Variants in LPIN1 observed in about 807,000 individuals in gnomAD.
LPIN1 encodes phosphatidate phosphatase LPIN1.
A neutral mutation model predicts 107.5 loss-of-function variants in LPIN1; 71 were observed. That is an observed-to-expected ratio of 0.66 (90% CI 0.55 to 0.80). LPIN1 has a LOEUF of 0.80. LPIN1 is among the 30% of genes least tolerant of loss of function. The pLI is 0.00. For synonymous variants in LPIN1, 445 were observed against 452.6 expected, an observed-to-expected ratio of 0.98 and a Z score of 0.21; for missense variants, 1,043 against 1,160.6, an observed-to-expected ratio of 0.90 and a Z score of 1.47.
intron 1 of LPIN1, 99 bp downstream of exon 1, chr2:11,746,770 G>A (rs1667003894): frequency 1.8e-6 from 1 of 567,250 alleles, no homozygotes; most frequent in African/African-American, 2.0e-5. Context: ...AGGACGCGTG[G>A]CGAGGCGGGG....
At chr2:11,683,574 C>G (rs1046465156) in intron 1 of LPIN1, among the ~76,000 whole-genome samples, 1 of 152,162 alleles carries the variant, frequency 6.6e-6, no homozygotes, top group African/African-American at 2.4e-5. Context: ...TCTGAGATGG[C>G]TTTTACTCTG....
intron 12 of LPIN1, 145 bp from the exon 13 acceptor site, chr2:11,791,768 AT>A: frequency 6.7e-7 from 1 of 1,492,060 alleles, no homozygotes; most frequent in African/African-American, 1.4e-5. Flanking sequence ...CTTCTCTAAA[AT>A]TTTTAACGCA....
chr2:11,746,048 G>C (rs926782652), upstream of LPIN1: 1 of 152,400 alleles, frequency 6.6e-6, no homozygotes, highest in African/African-American at 2.4e-5. Context: ...CAGAGCCACC[G>C]TTCCGCACCT....
chr2:11,755,752 C>T (rs1208515413), intron 1 of LPIN1, among the ~76,000 whole-genome samples: 8 of 149,984 alleles, frequency 5.3e-5, no homozygotes, highest in East Asian at 3.9e-4. Context: ...GACAGAGTCT[C>T]GCTCTGTCGC....
exon 1 of LPIN1, chr2:11,677,702 A>G: frequency 6.5e-7 from 1 of 1,535,726 alleles, no homozygotes; most frequent in South Asian, 1.2e-5. Context: ...GCAGGGCAAG[A>G]GCTCCCCAGA....
At chr2:11,760,004 G>T (rs1468014665) in intron 1 of LPIN1, among the ~76,000 whole-genome samples, 1 of 76,700 alleles carries the variant, frequency 1.3e-5, no homozygotes, top group East Asian at 4.0e-4. Context: ...CTTCTCAGAC[G>T]GGGCGGCCGG....
intron 2 of LPIN1, among the ~76,000 whole-genome samples, chr2:11,767,129 G>T (rs895325464): frequency 6.6e-6 from 1 of 152,230 alleles, no homozygotes; most frequent in Non-Finnish European, 1.5e-5. Context: ...CAAATGGAAA[G>T]AAACAAATCC....
At chr2:11,727,299 C>T (rs7591344) in intron 1 of LPIN1, among the ~76,000 whole-genome samples, 80,009 of 152,076 alleles carry the variant, frequency 0.53, 21,897 homozygotes, top group African/African-American at 0.66. Flanking sequence ...TCAGTTATTA[C>T]TTACATCAGT....
At chr2:11,757,485 G>A (rs1668854980) in intron 1 of LPIN1, among the ~76,000 whole-genome samples, 1 of 152,164 alleles carries the variant, frequency 6.6e-6, no homozygotes, top group Admixed American at 6.5e-5. Context: ...GTAAAATTTG[G>A]GAATTTATGC....
At chr2:11,742,286 G>T (rs961284119), upstream of LPIN1, 4 of 152,176 alleles carry the variant, frequency 2.6e-5, no homozygotes, top group African/African-American at 9.7e-5. Flanking sequence ...TCTATGTTTA[G>T]ATAAGTTTAG....
chr2:11,804,330 C>T, intron 15 of LPIN1, 93 bp from the exon 16 acceptor site: 1 of 1,412,438 alleles, frequency 7.1e-7, no homozygotes, highest in East Asian at 2.3e-5. Flanking sequence ...GTTTTTAAAG[C>T]CGAATCCTGC....
At chr2:11,701,973 C>T (rs1662896491) in intron 1 of LPIN1, among the ~76,000 whole-genome samples, 1 of 152,204 alleles carries the variant, frequency 6.6e-6, no homozygotes, top group Admixed American at 6.5e-5. Context: ...GTGCTCATCT[C>T]TGCTGAGTTC....
intron 1 of LPIN1, among the ~76,000 whole-genome samples, chr2:11,730,277 G>A (rs1665061281): frequency 6.6e-6 from 1 of 152,150 alleles, no homozygotes; most frequent in Non-Finnish European, 1.5e-5. Context: ...GGAGCCCGCT[G>A]AGGCCGTTGC....
chr2:11,794,682 T>A (rs1676359462), intron 13 of LPIN1, among the ~76,000 whole-genome samples: 1 of 152,218 alleles, frequency 6.6e-6, no homozygotes, highest in African/African-American at 2.4e-5. Context: ...TCCCTTGGCA[T>A]TTCTCTCTGG....
intron 2 of LPIN1, among the ~76,000 whole-genome samples, chr2:11,715,399 G>A (rs1410481142): frequency 6.6e-6 from 1 of 152,190 alleles, no homozygotes; most frequent in South Asian, 2.1e-4. Flanking sequence ...CAAGCAGGAG[G>A]CTCCTGCTTC....
intron 14 of LPIN1, among the ~76,000 whole-genome samples, chr2:11,798,078 C>T (rs1283100834): frequency 6.6e-6 from 1 of 152,194 alleles, no homozygotes; most frequent in Non-Finnish European, 1.5e-5. Context: ...CTCCGGCTTG[C>T]ACTCACTCCG....
intron 14 of LPIN1, 109 bp from the exon 15 acceptor site, chr2:11,802,798 G>C (rs1677986928): frequency 1.5e-6 from 2 of 1,292,112 alleles, no homozygotes; most frequent in Non-Finnish European, 2.2e-6. Context: ...CCGAGAGACG[G>C]GACTCAGGAG....
Position 11,708,905 on chromosome 2 carries a change from C to A in LPIN1, c.82-4851C>A, listed in dbSNP as rs548032610. On this transcript the variant is annotated intron_variant, in intron 1 of 21. Transcript: ENST00000449576. Reference sequence around the variant, plus strand: ...CATTAAGTATCTTCTTTAATCCTCACAAGGGCCCTATGACAAAGCTACTAC... The same window carrying A: ...CATTAAGTATCTTCTTTAATCCTCAAAAGGGCCCTATGACAAAGCTACTAC... 4.6e-5 allele frequency among the ~76,000 whole-genome samples: 7 copies of A among 152,228 alleles called. No individual in the cohort carries two copies. The South Asian group carries it at 1.5e-3, about 32-fold the overall frequency.
intron 1 of LPIN1, among the ~76,000 whole-genome samples, chr2:11,684,956 TC>T (rs1455676746): frequency 6.3e-3 from 204 of 32,560 alleles, no homozygotes; most frequent in African/African-American, 0.012. Context: ...CATCCTGCCC[TC>T]CTGGAGCTTA....
Sources: gnomAD v4.1 joint callset for allele counts (sites outside exome capture counted in the v4.1 genomes callset) on GRCh38, gnomAD v4.1.1 for gene constraint, MANE v1.5 for transcripts, NCBI Gene and HGNC (gene_info 2026-07-23, HGNC 2026-07-21) for gene names.